NAV1: variants seen among roughly 807,000 people sequenced by gnomAD.
The protein encoded by NAV1 is pore membrane and/or filament interacting like protein 3.
A neutral mutation model predicts 175.2 loss-of-function variants in NAV1; 18 were observed. The observed-to-expected ratio is 0.10, with a 90% CI of 0.07 to 0.15. The LOEUF (loss-of-function observed/expected upper bound fraction) is 0.15, where lower values mean the gene tolerates loss of function less well. Among genes scored for constraint, NAV1 ranks in the 10% least tolerant of loss-of-function variants. NAV1 has a pLI of 1.00. For missense variants in NAV1, 1,731 were observed against 2,436.6 expected, an observed-to-expected ratio of 0.71 and a Z score of 6.10; for synonymous variants, 897 against 978.7, an observed-to-expected ratio of 0.92 and a Z score of 1.56.
At chr1:201,661,281 C>T (rs1159531983) in intron 1 of NAV1, among the ~76,000 whole-genome samples, 2 of 152,184 alleles carry the variant, frequency 1.3e-5, no homozygotes, top group Non-Finnish European at 2.9e-5. Flanking sequence ...CTCTTGCCCT[C>T]CTTAGCATTC....
intron 2 of NAV1, among the ~76,000 whole-genome samples, chr1:201,630,451 G>A (rs562501546): frequency 6.6e-6 from 1 of 152,234 alleles, no homozygotes; most frequent in Non-Finnish European, 1.5e-5. Context: ...CTGACCCTGA[G>A]ATCACCGGAC....
intron 3 of NAV1, among the ~76,000 whole-genome samples, chr1:201,769,661 A>G (rs1675440655): frequency 6.6e-6 from 1 of 152,124 alleles, no homozygotes; most frequent in South Asian, 2.1e-4. Context: ...AAAGTTAGTT[A>G]TTCTCTTTCC....
intron 3 of NAV1, among the ~76,000 whole-genome samples, chr1:201,729,318 T>C (rs1672747797): frequency 6.6e-6 from 1 of 152,230 alleles, no homozygotes; most frequent in Non-Finnish European, 1.5e-5. Context: ...GCAATAGTAT[T>C]GTTCTTAGCA....
chr1:201,741,328 G>GC (rs1051650721), intron 3 of NAV1, among the ~76,000 whole-genome samples: 1 of 152,262 alleles, frequency 6.6e-6, no homozygotes, highest in African/African-American at 2.4e-5. Flanking sequence ...CAGCCCTGAA[G>GC]CCCCCCTGGA....
At chr1:201,784,754 G>A (rs1339968890) in intron 7 of NAV1, among the ~76,000 whole-genome samples, 1 of 151,374 alleles carries the variant, frequency 6.6e-6, no homozygotes. Context: ...TTTTTTGTTT[G>A]TTTGTTTTTT....
rs11581130 is a variant in NAV1 at position 201,689,004 on chromosome 1, G to A, written c.758-23813G>A. The stretch of plus-strand genomic sequence containing the variant: ...GAAACATGGGGAGACTTGAGTGCAA[G>A]CTTTGTGATCAGTTATCAAATTAAC... On this transcript the variant is annotated intron_variant, in intron 1 of 29. Transcript: ENST00000367296. Among the ~76,000 whole-genome samples the A allele has an allele frequency of 7.0e-3, 1,061 of 152,310 alleles. 9 individuals carry two copies. The highest frequency in any genetic ancestry group is 0.013 in the Non-Finnish European group (900 of 68,026).
In NAV1 at chr1:201,567,526, T is replaced by G. The variant is rs1258664020; in HGVS notation, c.-143-21013T>G. Among the ~76,000 whole-genome samples, 10 of 152,264 alleles carry G rather than the reference T, an allele frequency of 6.6e-5. No individual in the cohort carries two copies. The East Asian group carries it at 1.9e-3, about 29-fold the overall frequency. ...CTCTTGGTTCTACTGAAAATATTGC[T>G]CAGGGAGGCATCTCAGGGATCCATA... On this transcript the variant is annotated intron_variant, in intron 1 of 33. Transcript: ENST00000685211.
chr1:201,728,498 G>A (rs748380471), intron 3 of NAV1, among the ~76,000 whole-genome samples: 1 of 151,414 alleles, frequency 6.6e-6, no homozygotes, highest in Non-Finnish European at 1.5e-5. Context: ...GGAGGCTGAG[G>A]TAGGAGAATC....
At chr1:201,674,839 C>A (rs1394005049) in intron 1 of NAV1, among the ~76,000 whole-genome samples, 3 of 152,050 alleles carry the variant, frequency 2.0e-5, no homozygotes, top group African/African-American at 7.2e-5. Context: ...GAGTTTGAGA[C>A]CAGCCTGGCC....
chr1:201,745,903 G>A (rs531482180), intron 3 of NAV1, among the ~76,000 whole-genome samples: 36 of 152,000 alleles, frequency 2.4e-4, no homozygotes, highest in Non-Finnish European at 4.4e-4. Context: ...CGCCATCTCC[G>A]CTCATTGCCA....
rs1459889764 is a variant in NAV1 at position 201,782,049 on chromosome 1, A to G, written c.1664-127A>G. The stretch of plus-strand genomic sequence containing the variant: ...AGCTTATCTTGTACCTGTTTACCCA[A>G]ATTTAGGCCTCTAAAAGTCTACAAT... On this transcript the variant is annotated intron_variant, in intron 5 of 29. Coordinates refer to ENST00000367296, the Ensembl canonical transcript of NAV1. The surrounding 1 kb of genome is among the most constrained non-coding windows in gnomAD (Gnocchi z 5.4). The G allele has an allele frequency of 6.2e-6, 5 of 803,022 alleles. No homozygotes were observed. Among genetic ancestry groups the G allele is most frequent in the South Asian group, 2.2e-5 (1 of 46,244 alleles). 49.7% of individuals were successfully genotyped at this position (803,022 alleles called of 1,614,324 possible). A position where few individuals can be genotyped will look rare whatever the true frequency, so the allele number is the denominator to read the frequency against.
chr1:201,768,333 G>GA (rs57027212), intron 3 of NAV1, among the ~76,000 whole-genome samples: 9,148 of 105,610 alleles, frequency 0.087, 728 homozygotes, highest in East Asian at 0.26. Context: ...CCGTCTCAGA[G>GA]AAAAAAAAAA....
intron 1 of NAV1, among the ~76,000 whole-genome samples, chr1:201,562,831 C>T (rs901825864): frequency 2.0e-5 from 3 of 152,106 alleles, no homozygotes; most frequent in Admixed American, 6.5e-5. Flanking sequence ...CCTACAGAGC[C>T]TGTCAGTAGG....
intron 1 of NAV1, among the ~76,000 whole-genome samples, chr1:201,585,494 C>G (rs1323303707): frequency 6.6e-6 from 1 of 151,748 alleles, no homozygotes; most frequent in African/African-American, 2.4e-5. Flanking sequence ...AACATTTGTG[C>G]CTCAAAGGAA....
chr1:201,563,062 A>G (rs773668856), intron 1 of NAV1, among the ~76,000 whole-genome samples: 8 of 152,184 alleles, frequency 5.3e-5, no homozygotes, highest in African/African-American at 1.9e-4. Context: ...GAGCCTCCCA[A>G]TTGAAATATC....
chr1:201,749,703 C>G (rs1289325511), intron 3 of NAV1, among the ~76,000 whole-genome samples: 2 of 152,176 alleles, frequency 1.3e-5, no homozygotes, highest in African/African-American at 4.8e-5. Flanking sequence ...AAATTGCTAG[C>G]CTGGGCAACA....
chr1:201,613,344 A>ACT (rs1482083521), intron 2 of NAV1, among the ~76,000 whole-genome samples: 1 of 148,516 alleles, frequency 6.7e-6, no homozygotes, highest in African/African-American at 2.5e-5. Context: ...TCCTATTTGT[A>ACT]CTCAAATAAG....
chr1:201,565,313 A>G (rs1253461282), intron 1 of NAV1, among the ~76,000 whole-genome samples: 2 of 152,212 alleles, frequency 1.3e-5, no homozygotes, highest in Non-Finnish European at 2.9e-5. Context: ...ATTGATGCCA[A>G]TTTTCTAAAT....
chr1:201,780,113 G>C (rs914346690), intron 3 of NAV1, among the ~76,000 whole-genome samples: 5 of 152,154 alleles, frequency 3.3e-5, no homozygotes, highest in African/African-American at 1.2e-4. Context: ...GAGTAAATTG[G>C]TTTGTATAAT....
Sources: allele counts gnomAD v4.1 joint callset (sites outside exome capture counted in the v4.1 genomes callset), GRCh38; gene constraint gnomAD v4.1.1; non-coding constraint Gnocchi (gnomAD v3.1); transcripts MANE v1.5; gene names NCBI Gene and HGNC (gene_info 2026-07-23, HGNC 2026-07-21).